Variants in PSME4 observed in about 807,000 individuals in gnomAD.
PSME4 encodes proteasome activator subunit 4, also known as proteasome activator complex subunit 4.
In PSME4, 89 loss-of-function variants were observed where a neutral mutation model predicts 253.9. The observed-to-expected ratio is 0.35, with a 90% CI of 0.30 to 0.42. The LOEUF is 0.42. Ranked by LOEUF, PSME4 falls within the 10% of genes least tolerant of loss-of-function variation. The pLI is 1.00. For missense variants in PSME4, 2,014 were observed against 2,195.2 expected, an observed-to-expected ratio of 0.92 and a Z score of 1.65; for synonymous variants, 851 against 759.2, an observed-to-expected ratio of 1.12 and a Z score of -1.99.
chr2:53,948,020 A>T (rs1669805615), intron 3 of PSME4, among the ~76,000 whole-genome samples: 2 of 152,234 alleles, frequency 1.3e-5, no homozygotes, highest in Non-Finnish European at 2.9e-5. Flanking sequence ...CATCTCAGAA[A>T]AAAAAGAATG....
At chr2:53,952,294 G>C (rs1052571100) in intron 1 of PSME4, among the ~76,000 whole-genome samples, 1 of 152,158 alleles carries the variant, frequency 6.6e-6, no homozygotes, top group African/African-American at 2.4e-5. Context: ...TGTAATCCCA[G>C]CACTTTGGGA....
chr2:53,913,055 C>T (rs1667898417), intron 20 of PSME4, among the ~76,000 whole-genome samples: 1 of 152,178 alleles, frequency 6.6e-6, no homozygotes, highest in Non-Finnish European at 1.5e-5. Flanking sequence ...ATCCATCCTA[C>T]TCATTCACTA....
intron 20 of PSME4, among the ~76,000 whole-genome samples, chr2:53,917,462 T>G (rs1415051366): frequency 6.6e-6 from 1 of 152,158 alleles, no homozygotes; most frequent in Non-Finnish European, 1.5e-5. Context: ...GCCTTTTGCT[T>G]CAATTCACTA....
chr2:53,923,445 G>A, intron 14 of PSME4, 26 bp from the exon 15 acceptor site: 1 of 1,551,286 alleles, frequency 6.4e-7, no homozygotes, highest in East Asian at 2.3e-5. Flanking sequence ...AATGTTTAAT[G>A]AGCATTTTTT....
At chr2:53,909,161 C>T (rs1667706213) in intron 21 of PSME4, among the ~76,000 whole-genome samples, 1 of 152,018 alleles carries the variant, frequency 6.6e-6, no homozygotes. Flanking sequence ...ACCACCTTTG[C>T]CAATATTTCA....
chr2:53,920,741 C>A, intron 18 of PSME4, 148 bp downstream of exon 18: 1 of 729,534 alleles, frequency 1.4e-6, no homozygotes, highest in East Asian at 2.7e-5. Flanking sequence ...CAAAGTGAGA[C>A]AGCACAAGTT....
intron 20 of PSME4, among the ~76,000 whole-genome samples, chr2:53,914,095 G>A (rs1464833765): frequency 6.6e-6 from 1 of 152,196 alleles, no homozygotes; most frequent in Non-Finnish European, 1.5e-5. Flanking sequence ...AACTAAAAAT[G>A]ACGTAATAAA....
At chr2:53,905,605 G>A (rs935972337) in intron 26 of PSME4, among the ~76,000 whole-genome samples, 2 of 152,180 alleles carry the variant, frequency 1.3e-5, no homozygotes, top group African/African-American at 4.8e-5. Context: ...GGGAGGCTGA[G>A]ATAAGACGAT....
intron 1 of PSME4, among the ~76,000 whole-genome samples, chr2:53,949,985 C>CCT (rs1669900788): frequency 2.0e-5 from 3 of 152,282 alleles, no homozygotes; most frequent in South Asian, 4.1e-4. Context: ...TCAATTGAGA[C>CCT]ATAACCAGGC....
intron 41 of PSME4, among the ~76,000 whole-genome samples, chr2:53,881,765 G>A (rs1027834446): frequency 5.9e-5 from 9 of 152,076 alleles, no homozygotes; most frequent in African/African-American, 2.2e-4. Flanking sequence ...TGTATTTTTA[G>A]TAGAGATGGG....
At chr2:53,894,547 C>T (rs1573231162) in intron 34 of PSME4, among the ~76,000 whole-genome samples, 1 of 152,336 alleles carries the variant, frequency 6.6e-6, no homozygotes, top group East Asian at 1.9e-4. Flanking sequence ...GTTGGGATTA[C>T]AGGCATGTGC....
In PSME4 at chr2:53,932,749, A is replaced by C; in HGVS notation, c.969T>G (p.Ser323Arg). ...IWITAMMGGP[S>R]KLVQKHLAGL... ...CAGCTAAGTGTTTTTGCACTAGCTTACTTGGTCCACCCTGTCCAGATAAAA... is the reference window on the plus strand; with the variant it reads ...CAGCTAAGTGTTTTTGCACTAGCTTCCTTGGTCCACCCTGTCCAGATAAAA... The change falls in exon 9 of 47, where the codon AGT (serine) becomes AGG (arginine). Residue 323 changes from serine (S) to arginine (R), a missense_variant. Coordinates refer to ENST00000404125, the MANE Select transcript of PSME4 (RefSeq NM_014614.3). 6.2e-7 allele frequency: 1 copy of C among 1,612,944 alleles called. No individual in the cohort carries two copies. The highest frequency in any genetic ancestry group is 8.5e-7 in the Non-Finnish European group (1 of 1,178,908).
At position 53,887,980 on chromosome 2, in the gene PSME4, A is replaced by G; in HGVS notation, c.4398T>C (p.Tyr1466=). ...GGSFVDACRL[Y]VLQGGLAQQE... is the part of the protein sequence containing the mutation. The stretch of plus-strand genomic sequence containing the variant: ...GCTGGGCAAGGCCACCTTGTAGTAC[A>G]TAAAGTCGACTAAAATTAAAGCATC... Residue 1466 remains tyrosine, a synonymous_variant, in exon 39 of 47, where the codon TAT becomes TAC. Transcript: ENST00000404125. 1 of 1,609,580 alleles carries G rather than the reference A, an allele frequency of 6.2e-7. No homozygotes were observed. The highest frequency in any genetic ancestry group is 1.3e-5 in the African/African-American group (1 of 74,738).
At position 53,908,431 on chromosome 2, in the gene PSME4, A is replaced by G. The variant is rs765789221; in HGVS notation, c.2686-13T>C. ...GGTCTCCAATAATCTGTGTCAAAGA[A>G]TTTCAAATTGTATTTGCAAGTCATC... On this transcript the variant is annotated splice_polypyrimidine_tract_variant and intron_variant, in intron 23 of 46. Transcript: ENST00000404125. The G allele has an allele frequency of 1.4e-5, 23 of 1,612,568 alleles. No individual in the cohort carries two copies. Among genetic ancestry groups the G allele is most frequent in the South Asian group, 5.5e-5 (5 of 90,814 alleles).
chr2:53,887,161 T>C, intron 40 of PSME4, 98 bp downstream of exon 40: 2 of 1,083,236 alleles, frequency 1.8e-6, no homozygotes, highest in Non-Finnish European at 2.7e-6. Context: ...TTTTTCATTA[T>C]GTCTATTTTA....
At position 53,925,698 on chromosome 2, in the gene PSME4, T is replaced by C. The variant is rs1178538282; in HGVS notation, c.1659-9A>G. On this transcript the variant is annotated splice_polypyrimidine_tract_variant and intron_variant, in intron 13 of 46. Coordinates refer to ENST00000404125, the MANE Select transcript of PSME4 (RefSeq NM_014614.3). The stretch of plus-strand genomic sequence containing the variant: ...CTATAAGTCCAAAACATCTAAATAA[T>C]CCAAACAAAGCATAATTTCAGCAAC... The C allele has an allele frequency of 1.9e-6, 3 of 1,592,612 alleles. No homozygotes were observed. The highest frequency in any genetic ancestry group is 3.3e-4 in the Middle Eastern group (2 of 5,990).
chr2:53,869,374 A>G lies in PSME4; in HGVS notation c.5263+2T>C. On this transcript the variant is annotated splice_donor_variant, in intron 44 of 46. Transcript: ENST00000404125. LOFTEE classifies it high-confidence loss of function. The stretch of plus-strand genomic sequence containing the variant: ...ACAGGTGTTTCCTACCAGCAATGTT[A>G]CCTGCAGAAGGAATGGTATCTCCTA... The G allele has an allele frequency of 6.2e-7, 1 of 1,602,082 alleles. No homozygotes were observed. Among genetic ancestry groups the G allele is most frequent in the Non-Finnish European group, 8.5e-7 (1 of 1,171,280 alleles).
intron 26 of PSME4, among the ~76,000 whole-genome samples, chr2:53,906,101 TC>T: frequency 6.6e-6 from 1 of 152,224 alleles, no homozygotes; most frequent in South Asian, 2.1e-4. Flanking sequence ...AATCTCTTTT[TC>T]CACTTTTCTG....
chr2:53,967,277 A>T (rs1490362782), intron 1 of PSME4, among the ~76,000 whole-genome samples: 2 of 152,198 alleles, frequency 1.3e-5, no homozygotes, highest in Admixed American at 1.3e-4. Context: ...GTATTTAAAA[A>T]TATAGAAATA....
Sources: allele counts gnomAD v4.1 joint callset (sites outside exome capture counted in the v4.1 genomes callset), GRCh38; gene constraint gnomAD v4.1.1; transcripts MANE v1.5; gene names NCBI Gene and HGNC (gene_info 2026-07-23, HGNC 2026-07-21).